JMJD1C: variants seen among roughly 807,000 people sequenced by gnomAD.
JMJD1C encodes the protein jumonji domain-containing protein 1C.
JMJD1C carries 31 observed loss-of-function variants against 245.3 expected under a neutral mutation model. The ratio of observed to expected loss-of-function variants is 0.13; its 90% confidence interval spans 0.09 to 0.17. JMJD1C has a LOEUF of 0.17. Among genes scored for constraint, JMJD1C ranks in the 10% least tolerant of loss-of-function variants. The probability of loss-of-function intolerance (pLI) is 1.00; values close to 1 mark genes in which losing one functional copy is unlikely to be tolerated. For synonymous variants in JMJD1C, 1,057 were observed against 1,017.4 expected, an observed-to-expected ratio of 1.04 and a Z score of -0.74; for missense variants, 2,691 against 3,000.2, an observed-to-expected ratio of 0.90 and a Z score of 2.41.
At chr10:63,500,291 T>C (rs1409997647) in intron 1 of JMJD1C, among the ~76,000 whole-genome samples, 1 of 152,004 alleles carries the variant, frequency 6.6e-6, no homozygotes, top group Non-Finnish European at 1.5e-5. Context: ...GGTGTGGTTG[T>C]GCACACTTGT....
chr10:63,393,053 G>A (rs750292916), intron 1 of JMJD1C, among the ~76,000 whole-genome samples: 8 of 152,178 alleles, frequency 5.3e-5, no homozygotes, highest in East Asian at 1.9e-4. Context: ...GATCACCTGC[G>A]CCCAGGAGTT....
upstream of JMJD1C, among the ~76,000 whole-genome samples, chr10:63,469,451 TAAAAG>T (rs1953420829): frequency 6.6e-6 from 1 of 152,172 alleles, no homozygotes; most frequent in Non-Finnish European, 1.5e-5. Context: ...AAAAGTCACT[TAAAAG>T]AAACGTGAAG....
At chr10:63,257,226 CAA>C (rs71025139) in intron 3 of JMJD1C, among the ~76,000 whole-genome samples, 930 of 92,586 alleles carry the variant, frequency 0.01, 5 homozygotes, top group African/African-American at 0.033. Context: ...GACTTCATCT[CAA>C]AAAAAAAAAA....
chr10:63,490,837 C>T (rs1200694537), intron 1 of JMJD1C, among the ~76,000 whole-genome samples: 1 of 152,162 alleles, frequency 6.6e-6, no homozygotes, highest in African/African-American at 2.4e-5. Context: ...CCAATATAAG[C>T]ATTCAATAAA....
intron 1 of JMJD1C, among the ~76,000 whole-genome samples, chr10:63,420,714 C>CAAAAAAAAAAAAAAAAAAAA (rs35090799): frequency 2.1e-5 from 1 of 47,720 alleles, no homozygotes. Context: ...GACCCAGTCT[C>CAAAAAAAAAAAAAAAAAAAA]AAAAAAAAAA....
At chr10:63,327,487 G>T (rs1215279189) in intron 2 of JMJD1C, among the ~76,000 whole-genome samples, 2 of 152,036 alleles carry the variant, frequency 1.3e-5, no homozygotes, top group Non-Finnish European at 2.9e-5. Flanking sequence ...ATAAATTTGG[G>T]CTAGATATAC....
In JMJD1C at chr10:63,412,785, C is replaced by A. The variant is rs1245952571; in HGVS notation, c.169-32303G>T. Among the ~76,000 whole-genome samples, 6 of 152,142 alleles carry A rather than the reference C, an allele frequency of 3.9e-5. No individual in the cohort carries two copies. The East Asian group carries it at 1.2e-3, about 29-fold the overall frequency. On this transcript the variant is annotated intron_variant, in intron 1 of 25. Coordinates refer to ENST00000399262, the MANE Select transcript of JMJD1C (RefSeq NM_032776.3). ...ATATATTTTATGCATTTATGACATA[C>A]CTAACATTTTCTAAATTTTTAAAAA...
chr10:63,517,904 T>C (rs1461456282), intron 1 of JMJD1C, among the ~76,000 whole-genome samples: 1 of 150,828 alleles, frequency 6.6e-6, no homozygotes, highest in African/African-American at 2.4e-5. Context: ...GTGATTCTCC[T>C]GCCTCAGCCT....
At chr10:63,268,706 C>T (rs1855928346) in intron 2 of JMJD1C, 1 of 984,502 alleles carries the variant, frequency 1.0e-6, no homozygotes, top group Admixed American at 6.2e-5. Context: ...CTCAGAAATC[C>T]ACAACAAGGC....
At chr10:63,250,689 G>A (rs1400692937) in intron 3 of JMJD1C, among the ~76,000 whole-genome samples, 1 of 152,194 alleles carries the variant, frequency 6.6e-6, no homozygotes, top group Non-Finnish European at 1.5e-5. Flanking sequence ...TGCGATGAGA[G>A]AAACAGTTAG....
chr10:63,307,251 T>C (rs1209658242), intron 2 of JMJD1C, among the ~76,000 whole-genome samples: 1 of 152,206 alleles, frequency 6.6e-6, no homozygotes, highest in Non-Finnish European at 1.5e-5. Flanking sequence ...AGTTAACAGA[T>C]TTGCTGAAGC....
intron 1 of JMJD1C, among the ~76,000 whole-genome samples, chr10:63,391,584 T>C (rs1948065819): frequency 1.3e-5 from 2 of 151,712 alleles, no homozygotes; most frequent in Admixed American, 1.3e-4. Flanking sequence ...AAAACATCCA[T>C]GAATAAATGT....
At position 63,325,173 on chromosome 10, in the gene JMJD1C, T is replaced by C. The variant is rs148349221; in HGVS notation, c.333+55145A>G. ...TTTATTACTTTAAAATGATAATTAT[T>C]AGCTGTTAATTAGTGTAGAAAGCAT... On this transcript the variant is annotated intron_variant, in intron 2 of 25. Transcript: ENST00000399262. Among the ~76,000 whole-genome samples the C allele has an allele frequency of 2.0e-3, 298 of 152,350 alleles. 2 individuals are homozygous for C. Among genetic ancestry groups the C allele is most frequent in the Non-Finnish European group, 2.1e-3 (143 of 68,030 alleles).
At chr10:63,330,062 G>A (rs1291775254) in intron 2 of JMJD1C, among the ~76,000 whole-genome samples, 2 of 152,186 alleles carry the variant, frequency 1.3e-5, no homozygotes, top group Non-Finnish European at 1.5e-5. Flanking sequence ...CACCACGCCC[G>A]GCTAATTTTT....
intron 14 of JMJD1C, among the ~76,000 whole-genome samples, chr10:63,193,857 G>A (rs1589113430): frequency 2.0e-5 from 3 of 152,042 alleles, no homozygotes; most frequent in African/African-American, 7.2e-5. Flanking sequence ...TAGTAGAAAC[G>A]GGGTTTCACT....
intron 3 of JMJD1C, among the ~76,000 whole-genome samples, chr10:63,264,029 AC>A (rs1328888416): frequency 1.3e-5 from 2 of 150,872 alleles, no homozygotes; most frequent in Non-Finnish European, 2.9e-5. Flanking sequence ...CTTTACTTAT[AC>A]CTGAAAAAAT....
intron 13 of JMJD1C, among the ~76,000 whole-genome samples, chr10:63,196,261 AAAAAAG>A (rs1005202310): frequency 1.3e-5 from 2 of 152,170 alleles, no homozygotes; most frequent in African/African-American, 4.8e-5. Context: ...ACATCCAAAA[AAAAAAG>A]AAAAAGAAAA....
intron 24 of JMJD1C, among the ~76,000 whole-genome samples, chr10:63,171,773 T>G (rs1317274073): frequency 1.3e-5 from 2 of 152,224 alleles, no homozygotes; most frequent in Non-Finnish European, 2.9e-5. Flanking sequence ...TATGCTGAAG[T>G]GTCAGAATAC....
chr10:63,259,200 C>A (rs1282183106), intron 3 of JMJD1C, among the ~76,000 whole-genome samples: 2 of 152,154 alleles, frequency 1.3e-5, no homozygotes, highest in Non-Finnish European at 2.9e-5. Flanking sequence ...TATAAACAAA[C>A]CTCTATCAAC....
Sources: gnomAD v4.1 joint callset for allele counts (sites outside exome capture counted in the v4.1 genomes callset) on GRCh38, gnomAD v4.1.1 for gene constraint, MANE v1.5 for transcripts, NCBI Gene and HGNC (gene_info 2026-07-23, HGNC 2026-07-21) for gene names.